Variants in C2orf69 observed in about 807,000 individuals in gnomAD.
C2orf69 encodes chromosome 2 open reading frame 69.
C2orf69 carries 19 observed loss-of-function variants against 29.5 expected under a neutral mutation model. That is an observed-to-expected ratio of 0.65 (90% CI 0.45 to 0.95). C2orf69 has a LOEUF of 0.95. C2orf69 is among the 40% of genes least tolerant of loss of function. The probability of loss-of-function intolerance (pLI) is 0.00; values close to 1 mark genes in which losing one functional copy is unlikely to be tolerated. For synonymous variants in C2orf69, 194 were observed against 180.0 expected (o/e 1.08, Z -0.62); for missense variants, 416 against 482.1 (o/e 0.86, Z 1.28).
chr2:199,919,012 C>T (rs1212936424), intron 1 of C2orf69, among the ~76,000 whole-genome samples: 2 of 152,088 alleles, frequency 1.3e-5, no homozygotes, highest in South Asian at 2.1e-4. Context: ...AATGCAGTGG[C>T]GTGAACATGG....
In C2orf69 at chr2:199,926,855, C is replaced by A. The variant is rs2077337037; in HGVS notation, c.*969C>A. ...ATTTCAAATTTTTCATTATATCAGT[C>A]TTTTTGAAAGGATCAACTTGGATAA... On this transcript the variant is annotated 3_prime_UTR_variant, in exon 2 of 2. Coordinates refer to ENST00000319974, the MANE Select transcript of C2orf69 (RefSeq NM_153689.6). The A allele has an allele frequency of 6.6e-6, 1 of 152,452 alleles. No homozygotes were observed. Among genetic ancestry groups the A allele is most frequent in the African/African-American group, 2.4e-5 (1 of 41,382 alleles). 9.4% of individuals were successfully genotyped at this position (152,452 alleles called of 1,614,324 possible).
rs200098289 is a variant in C2orf69, at chr2:199,925,135, C to T, written c.407C>T (p.Thr136Ile). ...WENWSLENVA[T>I]ILAHRFPNSY... is the part of the protein sequence containing the mutation. Reference sequence around the variant, plus strand: ...AACTGGAGTCTAGAAAATGTTGCTACCATTTTAGCCCACCGGTTCCCCAAT... The same window carrying T: ...AACTGGAGTCTAGAAAATGTTGCTATCATTTTAGCCCACCGGTTCCCCAAT... The change falls in exon 2 of 2, where the codon ACC (threonine) becomes ATC (isoleucine). Residue 136 changes from threonine to isoleucine, a missense_variant. Physicochemically the swap from Thr to Ile is moderately conservative, Grantham distance 89 (BLOSUM62 -1). Transcript: ENST00000319974. This position sits in a 1 kb window ranked among gnomAD's most constrained non-coding sequence, Gnocchi z 4.9. 1.2e-6 allele frequency: 2 copies of T among 1,612,590 alleles called. No homozygotes were observed. Among genetic ancestry groups the T allele is most frequent in the Non-Finnish European group, 1.7e-6 (2 of 1,178,994 alleles).
At chr2:199,912,761 C>T (rs568840120) in intron 1 of C2orf69, among the ~76,000 whole-genome samples, 10 of 152,226 alleles carry the variant, frequency 6.6e-5, no homozygotes, top group African/African-American at 2.4e-4. Flanking sequence ...GTGCCTCAGC[C>T]TCCCGAGTAG....
chr2:199,924,745 G>A (rs2077329338), intron 1 of C2orf69, among the ~76,000 whole-genome samples: 1 of 152,120 alleles, frequency 6.6e-6, no homozygotes, highest in Non-Finnish European at 1.5e-5. Flanking sequence ...TTGATTATAT[G>A]TATATACTAA....
chr2:199,911,718 G>T lies in C2orf69; in HGVS notation c.280G>T (p.Glu94Ter). 6.5e-7 allele frequency: 1 copy of T among 1,544,172 alleles called. No individual in the cohort carries two copies. Among genetic ancestry groups the T allele is most frequent in the South Asian group, 1.2e-5 (1 of 84,064 alleles). ...CCTCCCCGGGGACCCAGCGAAGGAG[G>T]AGCCGCAGCCGCCGCCCCAGCATCA... ...QDLPGDPAKEEPQPPPQHHVL... is the reference protein window; with the variant it reads ...QDLPGDPAKE Residue 94 changes from glutamate (E) to a stop codon, truncating the protein, a stop_gained, in exon 1 of 2, where the codon GAG (glutamate) becomes TAG (stop). Coordinates refer to ENST00000319974, the MANE Select transcript of C2orf69 (RefSeq NM_153689.6). LOFTEE classifies it high-confidence loss of function.
chr2:199,927,786 A>G lies in C2orf69; in HGVS notation c.*1900A>G, dbSNP rs2077341555. 6.6e-6 allele frequency: 1 copy of G among 152,100 alleles called. No individual in the cohort carries two copies. Among genetic ancestry groups the G allele is most frequent in the Admixed American group, 6.6e-5 (1 of 15,264 alleles). 9.4% of individuals were successfully genotyped at this position (152,100 alleles called of 1,614,324 possible). A position where few individuals can be genotyped will look rare whatever the true frequency, so the allele number is the denominator to read the frequency against. The stretch of plus-strand genomic sequence containing the variant: ...ACATGTATCTAAAGGAAAATAGCTG[A>G]GTTACTGAATTCTATAAGGGGAAGA... On this transcript the variant is annotated 3_prime_UTR_variant, in exon 2 of 2. Coordinates refer to ENST00000319974, the MANE Select transcript of C2orf69 (RefSeq NM_153689.6).
Position 199,927,601 on chromosome 2 carries a change from T to A in C2orf69, c.*1715T>A, listed in dbSNP as rs2077340898. ...TTTTTAAAGACAAAGTAGTATTATG[T>A]TGCTTCAGTTTCTTTAAATACCTCG... On this transcript the variant is annotated 3_prime_UTR_variant, in exon 2 of 2. Transcript: ENST00000319974. 6.6e-6 allele frequency: 1 copy of A among 151,704 alleles called. No homozygotes were observed. The highest frequency in any genetic ancestry group is 1.5e-5 in the Non-Finnish European group (1 of 67,866). 9.4% of individuals were successfully genotyped at this position (151,704 alleles called of 1,614,324 possible).
At chr2:199,923,039 G>C (rs951506677) in intron 1 of C2orf69, among the ~76,000 whole-genome samples, 1 of 152,126 alleles carries the variant, frequency 6.6e-6, no homozygotes, top group Non-Finnish European at 1.5e-5. Context: ...GCTGTGTCTG[G>C]GTTATGTCCG....
At chr2:199,911,804 T>G (rs937405368) in intron 1 of C2orf69, 33 bp downstream of exon 1, 1 of 1,536,504 alleles carries the variant, frequency 6.5e-7, no homozygotes, top group Non-Finnish European at 8.7e-7. Context: ...ATCTGTTCCT[T>G]CCTCTCGTGT....
At chr2:199,913,258 A>AAT (rs1457031514) in intron 1 of C2orf69, among the ~76,000 whole-genome samples, 1 of 70,992 alleles carries the variant, frequency 1.4e-5, no homozygotes, top group Non-Finnish European at 2.6e-5. Flanking sequence ...TATTATATAA[A>AAT]ATATATTCTA....
rs1313265781 is a variant in C2orf69, at chr2:199,925,559, G to C, written c.831G>C (p.Leu277Phe). The change falls in exon 2 of 2, where the codon TTG becomes TTC. Residue 277 changes from leucine (L) to phenylalanine (F), a missense_variant. Physicochemically the swap from Leu to Phe is conservative, Grantham distance 22 (BLOSUM62 0). Transcript: ENST00000319974. The surrounding 1 kb of genome is among the most constrained non-coding windows in gnomAD (Gnocchi z 4.9). Reference protein sequence around the residue: ...CVVLNQLLFELKEAKKDKNID... With the variant: ...CVVLNQLLFEFKEAKKDKNID... ...TTTTGAATCAGTTGCTTTTTGAATTGAAAGAAGCCAAGAAAGACAAGAACA... is the reference window on the plus strand; with the variant it reads ...TTTTGAATCAGTTGCTTTTTGAATTCAAAGAAGCCAAGAAAGACAAGAACA... 1 of 1,613,850 alleles carries C rather than the reference G, an allele frequency of 6.2e-7. No homozygotes were observed. The highest frequency in any genetic ancestry group is 1.1e-5 in the South Asian group (1 of 91,060).
At chr2:199,915,985 A>G (rs1336171760) in intron 1 of C2orf69, among the ~76,000 whole-genome samples, 1 of 152,056 alleles carries the variant, frequency 6.6e-6, no homozygotes, top group African/African-American at 2.4e-5. Flanking sequence ...TTCCTTTATC[A>G]TTTGAATTAC....
At chr2:199,914,064 T>A (rs554544736) in intron 1 of C2orf69, among the ~76,000 whole-genome samples, 12 of 152,328 alleles carry the variant, frequency 7.9e-5, no homozygotes, top group Non-Finnish European at 1.5e-4. Context: ...CAATGGAGAT[T>A]AAATGTGTGG....
Position 199,911,327 on chromosome 2 carries a change from C to A in C2orf69, c.-112C>A. ...CGTCGCCTCAGCGCCGGCTCCCGGCCGGGCCGCGGCCGCCGACCGTTGAGC... is the reference window on the plus strand; with the variant it reads ...CGTCGCCTCAGCGCCGGCTCCCGGCAGGGCCGCGGCCGCCGACCGTTGAGC... On this transcript the variant is annotated 5_prime_UTR_variant, in exon 1 of 2. Transcript: ENST00000319974. The A allele has an allele frequency of 2.3e-6, 3 of 1,290,850 alleles. No homozygotes were observed. The highest frequency in any genetic ancestry group is 3.0e-6 in the Non-Finnish European group (3 of 1,000,020). 80.0% of individuals were successfully genotyped at this position (1,290,850 alleles called of 1,614,324 possible).
chr2:199,926,200 G>A lies in C2orf69; in HGVS notation c.*314G>A. ...GTTCTTATAAAAGGTAACTAAAATT[G>A]TTACTGTTGGAAATAACTGATTTTC... is the stretch of plus-strand genomic sequence containing the variant. On this transcript the variant is annotated 3_prime_UTR_variant, in exon 2 of 2. Coordinates refer to ENST00000319974, the MANE Select transcript of C2orf69 (RefSeq NM_153689.6). 1 of 220,186 alleles carries A rather than the reference G, an allele frequency of 4.5e-6. No homozygotes were observed. Among genetic ancestry groups the A allele is most frequent in the Non-Finnish European group, 9.0e-6 (1 of 111,010 alleles). 13.6% of individuals were successfully genotyped at this position (220,186 alleles called of 1,614,324 possible).
chr2:199,913,497 T>C (rs1379887800), intron 1 of C2orf69, among the ~76,000 whole-genome samples: 1 of 78,104 alleles, frequency 1.3e-5, no homozygotes, highest in East Asian at 3.6e-4. Flanking sequence ...TATTATATTA[T>C]ATAAAATATA....
Position 199,925,186 on chromosome 2 carries a change from C to T in C2orf69, c.458C>T (p.Ser153Phe). The change falls in exon 2 of 2, where the codon TCC (serine) becomes TTC (phenylalanine). Residue 153 changes from serine to phenylalanine, a missense_variant. By Grantham distance (155) the Ser-to-Phe change is radical. Around this residue, in one of 4 missense-constraint regions of C2orf69, gnomAD observed 225 missense variants for 307.3 expected, o/e 0.73. Coordinates refer to ENST00000319974, the MANE Select transcript of C2orf69 (RefSeq NM_153689.6). The surrounding 1 kb of genome is among the most constrained non-coding windows in gnomAD (Gnocchi z 4.9). Reference sequence around the variant, plus strand: ...AGTTATATTTGGGTGATAAAATGTTCCCGAATGCATTTGCACAAATTCAGC... The same window carrying T: ...AGTTATATTTGGGTGATAAAATGTTTCCGAATGCATTTGCACAAATTCAGC... ...PNSYIWVIKC[S>F]RMHLHKFSCY... The T allele has an allele frequency of 6.2e-7, 1 of 1,612,608 alleles. No individual in the cohort carries two copies. Among genetic ancestry groups the T allele is most frequent in the Non-Finnish European group, 8.5e-7 (1 of 1,179,650 alleles).
At chr2:199,917,399 C>G (rs2077297419) in intron 1 of C2orf69, among the ~76,000 whole-genome samples, 1 of 152,044 alleles carries the variant, frequency 6.6e-6, no homozygotes, top group African/African-American at 2.4e-5. Flanking sequence ...ATGGGTTTTT[C>G]TTTTTTTATA....
Position 199,911,404 on chromosome 2 carries a change from C to T in C2orf69, c.-35C>T, listed in dbSNP as rs1215194345. 4.1e-6 allele frequency: 6 copies of T among 1,445,862 alleles called. No homozygotes were observed. The South Asian group carries it at 5.7e-5, about 14-fold the overall frequency. The allele number at this position is 1,445,862 out of a possible 1,614,324, so 89.6% of individuals were successfully genotyped here. A position where few individuals can be genotyped will look rare whatever the true frequency, so the allele number is the denominator to read the frequency against. ...CCTCCCTCAGGAACCCCTCCGCCAC[C>T]CTCCACCTCCGAACCGCTCTCGCGG... On this transcript the variant is annotated 5_prime_UTR_variant, in exon 1 of 2. Coordinates refer to ENST00000319974, the MANE Select transcript of C2orf69 (RefSeq NM_153689.6).
Sources: gnomAD v4.1 joint callset for allele counts (sites outside exome capture counted in the v4.1 genomes callset) on GRCh38, gnomAD v4.1.1 for gene constraint, gnomAD v4.1.1 regional missense constraint, Gnocchi (gnomAD v3.1) non-coding constraint, MANE v1.5 for transcripts, NCBI Gene and HGNC (gene_info 2026-07-23, HGNC 2026-07-21) for gene names.